TINAG: variants seen among roughly 807,000 people sequenced by gnomAD.
TINAG encodes the protein tubulointerstitial nephritis antigen.
TINAG carries 83 observed loss-of-function variants against 72.7 expected under a neutral mutation model. The ratio of observed to expected loss-of-function variants is 1.14; its 90% CI spans 0.96 to 1.37. The LOEUF (loss-of-function observed/expected upper bound fraction) is 1.37, where lower values mean the gene tolerates loss of function less well. TINAG is among the 40% of genes most tolerant of loss of function. TINAG has a pLI of 0.00. For missense variants in TINAG, 685 were observed against 576.6 expected, an observed-to-expected ratio of 1.19 and a Z score of -1.93; for synonymous variants, 234 against 189.9, an observed-to-expected ratio of 1.23 and a Z score of -1.91.
chr6:54,334,377 A>G (rs1394497953), intron 4 of TINAG, among the ~76,000 whole-genome samples: 3 of 152,174 alleles, frequency 2.0e-5, no homozygotes, highest in Non-Finnish European at 4.4e-5. Flanking sequence ...TGTTTAATGT[A>G]CTTTGCTTTT....
intron 3 of TINAG, among the ~76,000 whole-genome samples, chr6:54,324,646 C>T (rs771657548): frequency 1.3e-5 from 2 of 152,164 alleles, no homozygotes; most frequent in Non-Finnish European, 2.9e-5. Flanking sequence ...TAACTTCTAC[C>T]TATTCTTAGT....
At chr6:54,347,134 C>T (rs1436997184) in intron 5 of TINAG, among the ~76,000 whole-genome samples, 1 of 152,040 alleles carries the variant, frequency 6.6e-6, no homozygotes, top group East Asian at 1.9e-4. Context: ...CTAAAAAAAT[C>T]TTTGAAGTCA....
rs912713425 is a variant in TINAG, at chr6:54,339,541, C to G, written c.625-3685C>G. Among the ~76,000 whole-genome samples the G allele has an allele frequency of 9.2e-5, 14 of 151,974 alleles. No individual in the cohort carries two copies. In the East Asian group the frequency reaches 2.7e-3, roughly 29 times the overall value. Reference sequence around the variant, plus strand: ...ACTTAGTGATAGCAGCCTGGGTAGGCGGGTTGAGGGGGGTGCATGGAGGGG... The same window carrying G: ...ACTTAGTGATAGCAGCCTGGGTAGGGGGGTTGAGGGGGGTGCATGGAGGGG... On this transcript the variant is annotated intron_variant, in intron 4 of 10. Coordinates refer to ENST00000259782, the MANE Select transcript of TINAG (RefSeq NM_014464.4).
chr6:54,345,247 T>G (rs1785093211), intron 5 of TINAG, among the ~76,000 whole-genome samples: 1 of 152,128 alleles, frequency 6.6e-6, no homozygotes, highest in South Asian at 2.1e-4. Flanking sequence ...TTCTAAATAT[T>G]TCAAGTGAAT....
chr6:54,372,543 G>A (rs1343262874), intron 9 of TINAG, among the ~76,000 whole-genome samples: 1 of 151,732 alleles, frequency 6.6e-6, no homozygotes, highest in Non-Finnish European at 1.5e-5. Context: ...AGGACATCAG[G>A]GCTAAGCTAT....
intron 4 of TINAG, among the ~76,000 whole-genome samples, chr6:54,342,509 C>T (rs897705165): frequency 6.6e-6 from 1 of 152,052 alleles, no homozygotes; most frequent in African/African-American, 2.4e-5. Flanking sequence ...GCTGGGATTA[C>T]AGGTGCCCAC....
At chr6:54,356,303 G>A (rs187502010) in intron 9 of TINAG, among the ~76,000 whole-genome samples, 9 of 152,080 alleles carry the variant, frequency 5.9e-5, no homozygotes, top group Admixed American at 1.3e-4. Context: ...GGGAGGGCAA[G>A]GCGAGTGGAT....
intron 1 of TINAG, among the ~76,000 whole-genome samples, chr6:54,309,867 T>C (rs1377033235): frequency 6.7e-6 from 1 of 150,342 alleles, no homozygotes; most frequent in African/African-American, 2.4e-5. Context: ...AAAATCCAGA[T>C]GCCATAGCCA....
At chr6:54,316,309 G>T (rs1235875956) in intron 1 of TINAG, among the ~76,000 whole-genome samples, 3 of 152,144 alleles carry the variant, frequency 2.0e-5, no homozygotes, top group Non-Finnish European at 4.4e-5. Flanking sequence ...ATGTGACTTT[G>T]AAATATTTTA....
chr6:54,339,947 G>A (rs1426243963), intron 4 of TINAG, among the ~76,000 whole-genome samples: 1 of 152,150 alleles, frequency 6.6e-6, no homozygotes, highest in East Asian at 1.9e-4. Context: ...TGTGGATACA[G>A]ACTCAATTGT....
At chr6:54,359,873 C>T (rs558314658) in intron 9 of TINAG, among the ~76,000 whole-genome samples, 9 of 151,856 alleles carry the variant, frequency 5.9e-5, no homozygotes, top group African/African-American at 2.2e-4. Context: ...AGAGAGCAAT[C>T]AAATAGCTCA....
In TINAG at chr6:54,324,554, A is replaced by C. The variant is rs868084742; in HGVS notation, c.510-2248A>C. Among the ~76,000 whole-genome samples the C allele has an allele frequency of 3.4e-4, 51 of 152,164 alleles. 1 individual carries two copies. The highest frequency in any genetic ancestry group is 1.2e-3 in the African/African-American group (49 of 41,436). ...CTAGTGAAATAGATTCTTTCTTATG[A>C]ACTCAAAATTTGGTCTACTGGATAA... On this transcript the variant is annotated intron_variant, in intron 3 of 10. Coordinates refer to ENST00000259782, the MANE Select transcript of TINAG (RefSeq NM_014464.4).
chr6:54,314,637 A>T (rs1300533064), intron 1 of TINAG, among the ~76,000 whole-genome samples: 1 of 152,152 alleles, frequency 6.6e-6, no homozygotes, highest in Non-Finnish European at 1.5e-5. Context: ...GGCTATTTGG[A>T]TGTCTGCCTT....
At chr6:54,376,678 A>G (rs1026835804) in intron 9 of TINAG, among the ~76,000 whole-genome samples, 3 of 152,208 alleles carry the variant, frequency 2.0e-5, no homozygotes, top group Non-Finnish European at 4.4e-5. Flanking sequence ...CCCTTTTAAA[A>G]GGAACATGCA....
chr6:54,382,114 C>T lies in TINAG; in HGVS notation c.1296+1543C>T, dbSNP rs116817654. Among the ~76,000 whole-genome samples the T allele has an allele frequency of 7.7e-3, 1,171 of 152,116 alleles. 14 individuals carry two copies. Among genetic ancestry groups the T allele is most frequent in the African/African-American group, 0.025 (1,050 of 41,500 alleles). ...TTAACTACATTGTTGTACTTACTAT[C>T]GATTCTGAACTTACTACTTATCAAA... On this transcript the variant is annotated intron_variant, in intron 10 of 10. Coordinates refer to ENST00000259782, the MANE Select transcript of TINAG (RefSeq NM_014464.4).
chr6:54,357,948 A>G (rs888763517), intron 9 of TINAG, among the ~76,000 whole-genome samples: 6 of 151,874 alleles, frequency 4.0e-5, no homozygotes, highest in Non-Finnish European at 4.4e-5. Context: ...AAGGGCCAAC[A>G]TATTCTGAGG....
intron 1 of TINAG, among the ~76,000 whole-genome samples, chr6:54,318,820 T>G (rs1394926987): frequency 1.3e-5 from 2 of 152,146 alleles, no homozygotes; most frequent in African/African-American, 4.8e-5. Context: ...TGCTTTACTG[T>G]GTCAACACCT....
intron 9 of TINAG, among the ~76,000 whole-genome samples, chr6:54,379,447 T>C (rs1410996837): frequency 6.6e-6 from 1 of 152,190 alleles, no homozygotes; most frequent in Non-Finnish European, 1.5e-5. Context: ...ATGTGCTACA[T>C]TCAGAATGGA....
chr6:54,308,246 T>A (rs1784156261), upstream of TINAG: 3 of 829,018 alleles, frequency 3.6e-6, no homozygotes, highest in East Asian at 5.3e-5. Flanking sequence ...AGTCAATGTA[T>A]CTCTATGCAT....
Sources: allele counts gnomAD v4.1 joint callset (sites outside exome capture counted in the v4.1 genomes callset), GRCh38; gene constraint gnomAD v4.1.1; transcripts MANE v1.5; gene names NCBI Gene and HGNC (gene_info 2026-07-23, HGNC 2026-07-21).